Variants in FSTL4 observed in about 807,000 individuals in gnomAD.
FSTL4 encodes follistatin-related protein 4.
A neutral mutation model predicts 78.2 loss-of-function variants in FSTL4; 28 were observed. That is an observed-to-expected ratio of 0.36 (90% confidence interval 0.27 to 0.49). The LOEUF (loss-of-function observed/expected upper bound fraction) is 0.49. FSTL4 is among the 20% of genes least tolerant of loss of function. The probability of loss-of-function intolerance (pLI) is 0.98; values close to 1 mark genes in which losing one functional copy is unlikely to be tolerated. For synonymous variants in FSTL4, 422 were observed against 440.5 expected (o/e 0.96, Z 0.53); for missense variants, 922 against 1,084.9 (o/e 0.85, Z 2.11).
the FSTL4 span, among the ~76,000 whole-genome samples, chr5:133,744,824 G>C: frequency 6.6e-6 from 1 of 152,110 alleles, no homozygotes; most frequent in Non-Finnish European, 1.5e-5. Context: ...ATTCCACTTG[G>C]GTTTCCATGG....
chr5:133,419,831 G>A (rs1756656360), intron 3 of FSTL4, among the ~76,000 whole-genome samples: 1 of 152,182 alleles, frequency 6.6e-6, no homozygotes, highest in South Asian at 2.1e-4. Flanking sequence ...GTATATCACT[G>A]TGATTTCAAT....
intron 3 of FSTL4, among the ~76,000 whole-genome samples, chr5:133,478,239 T>C (rs537406405): frequency 1.4e-4 from 21 of 152,360 alleles, no homozygotes; most frequent in African/African-American, 4.8e-4. Flanking sequence ...GCCCACATTG[T>C]GGCCCCATTT....
intron 4 of FSTL4, among the ~76,000 whole-genome samples, chr5:133,349,648 A>T (rs1377437762): frequency 5.8e-5 from 8 of 139,048 alleles, no homozygotes; most frequent in African/African-American, 5.5e-5. Flanking sequence ...ACTGTAAAGG[A>T]CCCATAGGAT....
intron 6 of FSTL4, among the ~76,000 whole-genome samples, chr5:133,297,110 A>T (rs1421388505): frequency 6.6e-6 from 1 of 152,228 alleles, no homozygotes; most frequent in Non-Finnish European, 1.5e-5. Context: ...TACAGGAGAA[A>T]AAAGGACAAT....
At chr5:133,398,659 A>G (rs1756134880) in intron 4 of FSTL4, among the ~76,000 whole-genome samples, 1 of 152,208 alleles carries the variant, frequency 6.6e-6, no homozygotes, top group African/African-American at 2.4e-5. Context: ...GTGCTTGTGC[A>G]GCCCCTCCTT....
the FSTL4 span, among the ~76,000 whole-genome samples, chr5:133,676,364 C>T: frequency 6.6e-6 from 1 of 152,126 alleles, no homozygotes; most frequent in Non-Finnish European, 1.5e-5. Flanking sequence ...CATAACAATA[C>T]CTTTTGTTAA....
At chr5:133,536,715 C>T (rs1445761105) in intron 3 of FSTL4, among the ~76,000 whole-genome samples, 1 of 152,016 alleles carries the variant, frequency 6.6e-6, no homozygotes, top group Non-Finnish European at 1.5e-5. Context: ...GCCTGAGACT[C>T]ATCAATTTTA....
chr5:133,386,456 G>C (rs1471626420), intron 4 of FSTL4, among the ~76,000 whole-genome samples: 1 of 152,124 alleles, frequency 6.6e-6, no homozygotes, highest in Non-Finnish European at 1.5e-5. Context: ...ATTAGTATAT[G>C]GGCTTCTGTC....
At chr5:133,297,781 T>A (rs970756962) in intron 6 of FSTL4, among the ~76,000 whole-genome samples, 10 of 152,164 alleles carry the variant, frequency 6.6e-5, no homozygotes, top group Non-Finnish European at 1.5e-4. Flanking sequence ...GGCCTCACTG[T>A]AGTCCCTCCT....
At chr5:133,510,811 G>A (rs7722045) in intron 3 of FSTL4, among the ~76,000 whole-genome samples, 3,983 of 152,094 alleles carry the variant, frequency 0.026, 84 homozygotes, top group Middle Eastern at 0.075. Flanking sequence ...ATGGATCTGA[G>A]CGCAAGGCTA....
At chr5:133,307,551 C>G (rs942488272) in intron 6 of FSTL4, among the ~76,000 whole-genome samples, 2 of 152,136 alleles carry the variant, frequency 1.3e-5, no homozygotes, top group African/African-American at 2.4e-5. Flanking sequence ...CTGGGTATCA[C>G]TTTATACAAC....
intron 3 of FSTL4, among the ~76,000 whole-genome samples, chr5:133,419,703 T>C (rs1293273051): frequency 6.6e-6 from 1 of 152,236 alleles, no homozygotes; most frequent in Admixed American, 6.5e-5. Context: ...CATTTTACAT[T>C]CCCGTCAGCA....
At chr5:133,807,051 A>T in the FSTL4 span, among the ~76,000 whole-genome samples, 2,958 of 152,348 alleles carry the variant, frequency 0.019, 96 homozygotes, top group African/African-American at 0.067. Flanking sequence ...ATGGATATTC[A>T]TGAGCATTCC....
At chr5:133,502,635 C>T (rs1470924603) in intron 3 of FSTL4, among the ~76,000 whole-genome samples, 3 of 152,066 alleles carry the variant, frequency 2.0e-5, no homozygotes, top group Non-Finnish European at 4.4e-5. Flanking sequence ...GTTTTAAAAG[C>T]GTGTAGCACC....
intron 8 of FSTL4, 131 bp downstream of exon 8, chr5:133,233,286 T>G: frequency 9.7e-7 from 1 of 1,032,582 alleles, no homozygotes; most frequent in South Asian, 1.5e-5. Flanking sequence ...CCTTTACTTA[T>G]AAGAGAGATG....
chr5:133,595,147 G>T (rs2112971004), intron 2 of FSTL4, among the ~76,000 whole-genome samples: 1 of 152,350 alleles, frequency 6.6e-6, no homozygotes, highest in African/African-American at 2.4e-5. Flanking sequence ...GAAACAGTCA[G>T]AGCCAAGCAG....
At chr5:133,809,061 G>C in the FSTL4 span, among the ~76,000 whole-genome samples, 1 of 151,942 alleles carries the variant, frequency 6.6e-6, no homozygotes, top group African/African-American at 2.4e-5. Context: ...TTTCCTAGTG[G>C]TAGGTATAAT....
the FSTL4 span, among the ~76,000 whole-genome samples, chr5:133,697,869 C>T: frequency 6.6e-6 from 1 of 152,058 alleles, no homozygotes; most frequent in Non-Finnish European, 1.5e-5. Context: ...GGGCACGTGC[C>T]CGCTGTACTC....
chr5:133,779,220 G>C, the FSTL4 span, among the ~76,000 whole-genome samples: 1 of 151,998 alleles, frequency 6.6e-6, no homozygotes, highest in Non-Finnish European at 1.5e-5. Context: ...GGTGACTCCC[G>C]CAGCCTCCTT....
Sources: gnomAD v4.1 joint callset for allele counts (sites outside exome capture counted in the v4.1 genomes callset) on GRCh38, gnomAD v4.1.1 for gene constraint, MANE v1.5 for transcripts, NCBI Gene and HGNC (gene_info 2026-07-23, HGNC 2026-07-21) for gene names.